WNK3: variants seen among roughly 807,000 people sequenced by gnomAD.
The protein encoded by WNK3 is WNK lysine deficient protein kinase 3, also known as serine/threonine-protein kinase WNK3.
In WNK3, 18 loss-of-function variants were observed where a neutral mutation model predicts 116.7. The ratio of observed to expected loss-of-function variants is 0.15; its 90% CI spans 0.11 to 0.23. The LOEUF is 0.23. Ranked by LOEUF, WNK3 falls within the 10% of genes least tolerant of loss-of-function variation. The pLI, the probability that WNK3 is intolerant of heterozygous loss-of-function variation, is 1.00. For synonymous variants in WNK3, 404 were observed against 469.4 expected, an observed-to-expected ratio of 0.86 and a Z score of 1.80; for missense variants, 993 against 1,323.8, an observed-to-expected ratio of 0.75 and a Z score of 3.88.
intron 10 of WNK3, among the ~76,000 whole-genome samples, chrX:54,268,915 T>C (rs1187020689): frequency 9.0e-6 from 1 of 111,216 alleles, no homozygotes; most frequent in African/African-American, 3.3e-5. Context: ...TCAAAATATC[T>C]CCCCACAAAT....
intron 10 of WNK3, among the ~76,000 whole-genome samples, chrX:54,281,730 T>C (rs2068518374): frequency 9.0e-6 from 1 of 111,567 alleles, no homozygotes; most frequent in Non-Finnish European, 1.9e-5. Flanking sequence ...TCATCCATGT[T>C]GTCACAAATA....
intron 22 of WNK3, among the ~76,000 whole-genome samples, chrX:54,204,181 G>A (rs1268426260): frequency 3.6e-5 from 4 of 110,815 alleles, no homozygotes; most frequent in Non-Finnish European, 7.6e-5. Context: ...GTGCAGTGGC[G>A]CGATCTTGGC....
intron 22 of WNK3, among the ~76,000 whole-genome samples, chrX:54,218,721 T>C (rs1367128311): frequency 2.7e-5 from 3 of 109,228 alleles, no homozygotes; most frequent in Admixed American, 9.8e-5. Context: ...CTGCCTCTAC[T>C]AAAAATACAA....
intron 2 of WNK3, among the ~76,000 whole-genome samples, chrX:54,328,513 C>T (rs1278197521): frequency 2.8e-5 from 3 of 109,087 alleles, no homozygotes; most frequent in African/African-American, 6.7e-5. Flanking sequence ...CCTGGCTATT[C>T]GGGAGGATCC....
At chrX:54,241,139 C>T (rs781924738) in intron 17 of WNK3, among the ~76,000 whole-genome samples, 6 of 111,537 alleles carry the variant, frequency 5.4e-5, no homozygotes, top group Non-Finnish European at 1.1e-4. Context: ...AAGAGGTCAA[C>T]GATGTAGGAA....
intron 23 of WNK3, 91 bp downstream of exon 23, chrX:54,201,900 T>C (rs1557141700): frequency 1.4e-6 from 1 of 739,823 alleles, no homozygotes; most frequent in African/African-American, 2.1e-5. Flanking sequence ...CATACTACTC[T>C]CTCATAGTGA....
chrX:54,231,714 C>T (rs1449774335), intron 21 of WNK3, among the ~76,000 whole-genome samples: 3 of 112,096 alleles, frequency 2.7e-5, no homozygotes, highest in African/African-American at 9.7e-5. Flanking sequence ...TTAATCCCAT[C>T]TGCAAGCTTA....
chrX:54,259,225 CTT>C, intron 11 of WNK3, 47 bp downstream of exon 11: 3 of 907,599 alleles, frequency 3.3e-6, no homozygotes, highest in Non-Finnish European at 4.7e-6. Context: ...AGTAAACAAA[CTT>C]CAGCATATCC....
At chrX:54,358,368 G>GAAA (rs1209646168), upstream of WNK3, among the ~76,000 whole-genome samples, 4 of 110,443 alleles carry the variant, frequency 3.6e-5, no homozygotes, top group Admixed American at 2.9e-4. Context: ...AGAAGAAGAA[G>GAAA]AAGAAAAGTC....
At position 54,290,636 on chromosome X, in the gene WNK3, A is replaced by G. The variant is rs782681622; in HGVS notation, c.2037+2252T>C. Reference sequence around the variant, plus strand: ...GGTTTCTTATTTATCGCAATTTACTACATAACTCATTCAAACCCTGGCAGA... The same window carrying G: ...GGTTTCTTATTTATCGCAATTTACTGCATAACTCATTCAAACCCTGGCAGA... On this transcript the variant is annotated intron_variant, in intron 10 of 23. Transcript: ENST00000354646. Among the ~76,000 whole-genome samples, 8 of 111,875 alleles carry G rather than the reference A, an allele frequency of 7.2e-5. No homozygotes were observed. The South Asian group carries it at 3.1e-3, about 43-fold the overall frequency.
At chrX:54,205,232 AAACCAACC>A (rs781988632) in intron 22 of WNK3, among the ~76,000 whole-genome samples, 2 of 96,315 alleles carry the variant, frequency 2.1e-5, no homozygotes, top group African/African-American at 8.9e-5. Context: ...ACACAAAACC[AAACCAACC>A]AACCAACCAA....
intron 10 of WNK3, among the ~76,000 whole-genome samples, chrX:54,266,266 G>C (rs1323723543): frequency 9.0e-6 from 1 of 111,092 alleles, no homozygotes; most frequent in Non-Finnish European, 1.9e-5. Context: ...CATAGAGATA[G>C]AAAGTAGAAG....
At chrX:54,298,107 T>A (rs3007022) in intron 7 of WNK3, 68 bp downstream of exon 7, 1 of 751,839 alleles carries the variant, frequency 1.3e-6, no homozygotes, top group African/African-American at 2.1e-5. Context: ...AAGAAAGCAA[T>A]GAGAAGGAGC....
At chrX:54,200,724 G>T (rs1286788309) in intron 23 of WNK3, among the ~76,000 whole-genome samples, 1 of 111,318 alleles carries the variant, frequency 9.0e-6, no homozygotes, top group Non-Finnish European at 1.9e-5. Context: ...TTATACTCCA[G>T]TAAACAGCCC....
intron 10 of WNK3, among the ~76,000 whole-genome samples, chrX:54,291,141 G>A (rs1039075900): frequency 3.6e-5 from 4 of 110,272 alleles, no homozygotes; most frequent in Non-Finnish European, 3.8e-5. Flanking sequence ...GTGAAAGCCC[G>A]TCTCTACTAA....
chrX:54,228,600 C>A, intron 22 of WNK3, 114 bp downstream of exon 22: 1 of 362,765 alleles, frequency 2.8e-6, no homozygotes, highest in East Asian at 4.3e-5. Flanking sequence ...AATAGCTGCA[C>A]AAGTCTGTAA....
At chrX:54,251,841 G>A (rs1484213942) in intron 13 of WNK3, among the ~76,000 whole-genome samples, 154 bp from the exon 14 acceptor site, 3 of 110,854 alleles carry the variant, frequency 2.7e-5, no homozygotes, top group Non-Finnish European at 5.7e-5. Flanking sequence ...TGAGGTGGGT[G>A]GATCACCTGA....
At chrX:54,253,537 G>A (rs1451222910) in intron 13 of WNK3, among the ~76,000 whole-genome samples, 1 of 110,862 alleles carries the variant, frequency 9.0e-6, no homozygotes, top group Non-Finnish European at 1.9e-5. Context: ...AAAGTGCGGG[G>A]ATTACAGGCA....
intron 22 of WNK3, among the ~76,000 whole-genome samples, chrX:54,227,943 T>C (rs1238010400): frequency 9.0e-6 from 1 of 111,268 alleles, no homozygotes; most frequent in Non-Finnish European, 1.9e-5. Flanking sequence ...CAGGCTGGAG[T>C]GTAATGGCGT....
Sources: allele counts gnomAD v4.1 joint callset (sites outside exome capture counted in the v4.1 genomes callset), GRCh38; gene constraint gnomAD v4.1.1; transcripts MANE v1.5; gene names NCBI Gene and HGNC (gene_info 2026-07-23, HGNC 2026-07-21).